Variants in AGPAT3 observed in about 807,000 individuals in gnomAD.
AGPAT3 encodes 1-acyl-sn-glycerol-3-phosphate acyltransferase gamma.
In AGPAT3, 5 loss-of-function variants were observed where a neutral mutation model predicts 47.3. The observed-to-expected ratio is 0.11, with a 90% confidence interval of 0.06 to 0.22. The LOEUF (loss-of-function observed/expected upper bound fraction) is 0.22. Among genes scored for constraint, AGPAT3 ranks in the 10% least tolerant of loss-of-function variants. The pLI is 1.00. For synonymous variants in AGPAT3, 212 were observed against 208.3 expected, an observed-to-expected ratio of 1.02 and a Z score of -0.15; for missense variants, 315 against 493.0, an observed-to-expected ratio of 0.64 and a Z score of 3.42.
chr21:43,985,259 G>T lies in AGPAT3; in HGVS notation c.*2867G>T, dbSNP rs571219613. 1 of 455,996 alleles carries T rather than the reference G, an allele frequency of 2.2e-6. No homozygotes were observed. The highest frequency in any genetic ancestry group is 4.4e-6 in the Non-Finnish European group (1 of 226,892). 28.2% of individuals were successfully genotyped at this position (455,996 alleles called of 1,614,324 possible). ...AGACACTGGTTGTCTGGTACTCGGC[G>T]ACAGTGTACCAGACGCGCACCCTAT... On this transcript the variant is annotated 3_prime_UTR_variant, in exon 10 of 10. Transcript: ENST00000291572.
chr21:43,885,324 A>G (rs35958642), intron 1 of AGPAT3, among the ~76,000 whole-genome samples: 126 of 152,172 alleles, frequency 8.3e-4, no homozygotes, highest in Non-Finnish European at 1.4e-3. Context: ...GTTGGTCTCC[A>G]GTTCTTGAAC....
chr21:43,928,948 C>A (rs2087147550), intron 2 of AGPAT3, among the ~76,000 whole-genome samples: 1 of 152,232 alleles, frequency 6.6e-6, no homozygotes, highest in Admixed American at 6.5e-5. Context: ...GTGTACCCAC[C>A]ACCCCCACCT....
intron 2 of AGPAT3, among the ~76,000 whole-genome samples, chr21:43,938,121 C>G (rs202135370): frequency 1.2e-5 from 1 of 85,130 alleles, no homozygotes; most frequent in Non-Finnish European, 3.2e-5. Context: ...CACACAGACA[C>G]ACACACACAC....
chr21:43,890,842 A>T (rs1014171787), intron 1 of AGPAT3, among the ~76,000 whole-genome samples: 4 of 151,710 alleles, frequency 2.6e-5, no homozygotes, highest in African/African-American at 9.7e-5. Context: ...GGTTAAAGTG[A>T]TTCTCCTGCC....
chr21:43,972,099 G>A (rs1370203695), intron 7 of AGPAT3, among the ~76,000 whole-genome samples: 2 of 152,270 alleles, frequency 1.3e-5, no homozygotes, highest in South Asian at 2.1e-4. Context: ...GCGAGGGACC[G>A]CAGTGTCTGA....
At position 43,979,085 on chromosome 21, in the gene AGPAT3, GTCAGGAGT is replaced by G. The variant is rs1227331653; in HGVS notation, c.843+968_843+975del. ...GGCCGAGGTGGGCAGATCACCTGAG[GTCAGGAGT>G]TCAAGACCAGCCTGACCAACATGGG... On this transcript the variant is annotated intron_variant, in intron 8 of 9. Coordinates refer to ENST00000291572, the MANE Select transcript of AGPAT3 (RefSeq NM_020132.5). Among the ~76,000 whole-genome samples, 9 of 152,132 alleles carry G rather than the reference GTCAGGAGT, an allele frequency of 5.9e-5. 1 individual carries two copies. The South Asian group carries it at 1.0e-3, about 18-fold the overall frequency.
At chr21:43,888,397 GGA>G (rs1491093376) in intron 1 of AGPAT3, among the ~76,000 whole-genome samples, 6 of 47,912 alleles carry the variant, frequency 1.3e-4, no homozygotes, top group African/African-American at 5.3e-4. Context: ...TTTTTGTGTA[GGA>G]TATATATATA....
intron 1 of AGPAT3, among the ~76,000 whole-genome samples, chr21:43,882,904 T>C (rs535522137): frequency 2.7e-4 from 41 of 152,290 alleles, no homozygotes; most frequent in Non-Finnish European, 1.9e-4. Flanking sequence ...CAGTGTCCAG[T>C]GTCATAGCCG....
Position 43,939,950 on chromosome 21 carries a change from G to A in AGPAT3, c.-48-19684G>A, listed in dbSNP as rs1330538557. Among the ~76,000 whole-genome samples, 2 of 152,214 alleles carry A rather than the reference G, an allele frequency of 1.3e-5. No homozygotes were observed. The highest frequency in any genetic ancestry group is 6.5e-5 in the Admixed American group (1 of 15,288). ...CCGACGGCAGAGCCCGCAGCTGTGCGCAGGAGGACGAACCTGTGTGTATGT... is the reference window on the plus strand; with the variant it reads ...CCGACGGCAGAGCCCGCAGCTGTGCACAGGAGGACGAACCTGTGTGTATGT... On this transcript the variant is annotated intron_variant, in intron 2 of 9. Coordinates refer to ENST00000291572, the MANE Select transcript of AGPAT3 (RefSeq NM_020132.5). This position sits in a 1 kb window ranked among gnomAD's most constrained non-coding sequence, Gnocchi z 4.4.
At chr21:43,945,314 C>T (rs1053234047) in intron 2 of AGPAT3, among the ~76,000 whole-genome samples, 9 of 152,296 alleles carry the variant, frequency 5.9e-5, no homozygotes, top group Non-Finnish European at 7.3e-5. Context: ...CACAGCCCAT[C>T]GCACACCTGA....
chr21:43,913,841 G>C (rs2086677502), intron 2 of AGPAT3, among the ~76,000 whole-genome samples: 1 of 152,194 alleles, frequency 6.6e-6, no homozygotes, highest in African/African-American at 2.4e-5. Context: ...CCGAGGTCGA[G>C]AGACCTCTAA....
chr21:43,950,865 A>G (rs2088160351), intron 2 of AGPAT3: 1 of 152,234 alleles, frequency 6.6e-6, no homozygotes, highest in Admixed American at 6.5e-5. Context: ...CAGGGCCCGA[A>G]AGGTCCACTG....
intron 1 of AGPAT3, among the ~76,000 whole-genome samples, chr21:43,887,554 C>T (rs1307489293): frequency 6.6e-6 from 1 of 152,242 alleles, no homozygotes; most frequent in Non-Finnish European, 1.5e-5. Flanking sequence ...AAGTAATGCT[C>T]AGGTGGTTGA....
chr21:43,986,438 T>C lies in AGPAT3; in HGVS notation c.*4046T>C, dbSNP rs1451732095. On this transcript the variant is annotated 3_prime_UTR_variant, in exon 10 of 10. Transcript: ENST00000291572. ...GGAGTTCGTCTCCATTTCTTAACTT[T>C]TTGTTGCACAAGTATTTGGACAGAA... The C allele has an allele frequency of 6.6e-6, 1 of 152,646 alleles. No homozygotes were observed. The highest frequency in any genetic ancestry group is 1.5e-5 in the Non-Finnish European group (1 of 68,044). The allele number at this position is 152,646 out of a possible 1,614,324, so 9.5% of individuals were successfully genotyped here. A position where few individuals can be genotyped will look rare whatever the true frequency, so the allele number is the denominator to read the frequency against.
rs2088223801 is a variant in AGPAT3, at chr21:43,952,087, CG to C, written c.-48-7546del. 6.6e-6 allele frequency among the ~76,000 whole-genome samples: 1 copy of C among 152,034 alleles called. No individual in the cohort carries two copies. Among genetic ancestry groups the C allele is most frequent in the Non-Finnish European group, 1.5e-5 (1 of 68,006 alleles). On this transcript the variant is annotated intron_variant, in intron 2 of 9. Coordinates refer to ENST00000291572, the MANE Select transcript of AGPAT3 (RefSeq NM_020132.5). The surrounding 1 kb of genome is among the most constrained non-coding windows in gnomAD (Gnocchi z 5.6). ...GGATGGCGGAACACGGGGATGGGCC[CG>C]TACCTCTCCAGAACTACGGACCTGG...
chr21:43,962,211 C>G (rs944506890), intron 3 of AGPAT3, among the ~76,000 whole-genome samples: 5 of 152,016 alleles, frequency 3.3e-5, no homozygotes, highest in African/African-American at 1.2e-4. Context: ...ACTGTGTTAG[C>G]CAGGATGGTT....
chr21:43,911,814 C>A (rs1234614693), intron 2 of AGPAT3, among the ~76,000 whole-genome samples: 1 of 152,242 alleles, frequency 6.6e-6, no homozygotes, highest in African/African-American at 2.4e-5. Context: ...GAAGTGCAGG[C>A]CAGCAGAGAC....
intron 3 of AGPAT3, among the ~76,000 whole-genome samples, chr21:43,960,282 C>T (rs962514953): frequency 2.0e-5 from 3 of 152,208 alleles, no homozygotes; most frequent in African/African-American, 4.8e-5. Context: ...TGCCTCCCTG[C>T]GTATCAAACA....
intron 2 of AGPAT3, among the ~76,000 whole-genome samples, chr21:43,929,723 G>A (rs938927439): frequency 2.6e-5 from 4 of 152,214 alleles, no homozygotes; most frequent in African/African-American, 4.8e-5. Context: ...GGGAGAAGAC[G>A]CGGCCCACAT....
Sources: gnomAD v4.1 joint callset for allele counts (sites outside exome capture counted in the v4.1 genomes callset) on GRCh38, gnomAD v4.1.1 for gene constraint, Gnocchi (gnomAD v3.1) non-coding constraint, MANE v1.5 for transcripts, NCBI Gene and HGNC (gene_info 2026-07-23, HGNC 2026-07-21) for gene names.